The following POU2F2 variants were observed in gnomAD, a reference collection of about 807,000 sequenced individuals.
POU2F2 encodes the protein POU domain, class 2, transcription factor 2.
A neutral mutation model predicts 63.5 loss-of-function variants in POU2F2; 14 were observed. That is an observed-to-expected ratio of 0.22 (90% CI 0.15 to 0.34). The LOEUF (loss-of-function observed/expected upper bound fraction) is 0.34. POU2F2 is among the 10% of genes least tolerant of loss of function. The pLI is 1.00. For missense variants in POU2F2, 607 were observed against 815.2 expected, an observed-to-expected ratio of 0.74 and a Z score of 3.11; for synonymous variants, 306 against 348.6, an observed-to-expected ratio of 0.88 and a Z score of 1.36.
Position 42,095,207 on chromosome 19 carries a change from ACAACCAGGTAGGGTGGGCTTCACACAG to A in POU2F2, c.1197+52_1197+78del, listed in dbSNP as rs2076872415. On this transcript the variant is annotated intron_variant, in intron 11 of 14. Transcript: ENST00000692977. This position sits in a 1 kb window ranked among gnomAD's most constrained non-coding sequence, Gnocchi z 7.1. ...CTTGTCTCTGTTCTAGGCTCTGTGG[ACAACCAGGTAGGGTGGGCTTCACACAG>A]GTGCCTGCGGAGCTCTGTGGTCTCC... 6.8e-7 allele frequency: 1 copy of A among 1,476,852 alleles called. No individual in the cohort carries two copies. Among genetic ancestry groups the A allele is most frequent in the East Asian group, 2.4e-5 (1 of 41,516 alleles). 91.5% of individuals were successfully genotyped at this position (1,476,852 alleles called of 1,614,324 possible).
Position 42,092,183 on chromosome 19 carries a change from A to AG in POU2F2, c.1351dup (p.Leu451ProfsTer77), listed in dbSNP as rs746693584. 1.5e-6 allele frequency: 2 copies of AG among 1,325,422 alleles called. No homozygotes were observed. Among genetic ancestry groups the AG allele is most frequent in the Admixed American group, 2.3e-5 (1 of 44,356 alleles). 82.1% of individuals were successfully genotyped at this position (1,325,422 alleles called of 1,614,324 possible). A position where few individuals can be genotyped will look rare whatever the true frequency, so the allele number is the denominator to read the frequency against. ...GGGAGTGACAGAGGGGATGGAATTG[A>AG]GGGGGGGCGCAGCCCCGCCCCCGCC... On this transcript the variant is annotated frameshift_variant, in exon 13 of 15. Transcript: ENST00000692977. LOFTEE classifies it high-confidence loss of function. The surrounding 1 kb of genome is among the most constrained non-coding windows in gnomAD (Gnocchi z 5.0).
At chr19:42,196,084 C>T (rs986379324) in intron 1 of POU2F2, among the ~76,000 whole-genome samples, 13 of 152,138 alleles carry the variant, frequency 8.5e-5, no homozygotes, top group African/African-American at 2.7e-4. Context: ...CGTATCTGGG[C>T]GGTGGCGGTG....
At position 42,095,995 on chromosome 19, in the gene POU2F2, G is replaced by T; in HGVS notation, c.730-66C>A. The T allele has an allele frequency of 6.3e-7, 1 of 1,596,084 alleles. No homozygotes were observed. The highest frequency in any genetic ancestry group is 1.1e-5 in the South Asian group (1 of 89,030). ...GGCCTTCCGGCACTGGGCCCGCTCC[G>T]CCCGCCCACTGGCCACGCCCCTCGC... is the stretch of plus-strand genomic sequence containing the variant. On this transcript the variant is annotated intron_variant, in intron 8 of 14. Transcript: ENST00000692977. This position sits in a 1 kb window ranked among gnomAD's most constrained non-coding sequence, Gnocchi z 7.1.
chr19:42,104,575 T>C (rs2077264289), intron 5 of POU2F2, among the ~76,000 whole-genome samples: 1 of 152,064 alleles, frequency 6.6e-6, no homozygotes, highest in Non-Finnish European at 1.5e-5. Context: ...TGGAACAATC[T>C]GCAGGATGTC....
At chr19:42,118,551 G>C (rs995508687) in intron 4 of POU2F2, among the ~76,000 whole-genome samples, 7 of 152,252 alleles carry the variant, frequency 4.6e-5, no homozygotes, top group African/African-American at 1.7e-4. Context: ...CCAGGCTTCA[G>C]CCTCCGCTCC....
At chr19:42,135,008 A>G (rs1227216516), upstream of POU2F2, among the ~76,000 whole-genome samples, 1 of 151,812 alleles carries the variant, frequency 6.6e-6, no homozygotes, top group Non-Finnish European at 1.5e-5. Flanking sequence ...CCCCCCAGCC[A>G]TGGCCTCTTC....
At chr19:42,120,740 T>C (rs1463114964) in intron 4 of POU2F2, among the ~76,000 whole-genome samples, 1 of 152,246 alleles carries the variant, frequency 6.6e-6, no homozygotes, top group Non-Finnish European at 1.5e-5. Context: ...GAGTTGGTAA[T>C]TGTTGAAGCT....
chr19:42,096,306 G>A lies in POU2F2; in HGVS notation c.568-63C>T, dbSNP rs2076920226. 1 of 1,436,538 alleles carries A rather than the reference G, an allele frequency of 7.0e-7. No homozygotes were observed. Among genetic ancestry groups the A allele is most frequent in the Non-Finnish European group, 9.3e-7 (1 of 1,079,114 alleles). 89.0% of individuals were successfully genotyped at this position (1,436,538 alleles called of 1,614,324 possible). A position where few individuals can be genotyped will look rare whatever the true frequency, so the allele number is the denominator to read the frequency against. On this transcript the variant is annotated intron_variant, in intron 7 of 14. Coordinates refer to ENST00000692977, the MANE Select transcript of POU2F2 (RefSeq NM_001394376.1). This position sits in a 1 kb window ranked among gnomAD's most constrained non-coding sequence, Gnocchi z 4.1. ...GGACCAGGATGGGGCTCAGCGATGG[G>A]TGCACAGTCCCCCTCCCGCCCTCTT...
At chr19:42,100,876 G>A (rs558665967) in intron 5 of POU2F2, among the ~76,000 whole-genome samples, 28 of 152,230 alleles carry the variant, frequency 1.8e-4, no homozygotes, top group Middle Eastern at 6.8e-3. Flanking sequence ...GAGCCAGGCG[G>A]ATCACGAGGT....
chr19:42,146,032 CAA>C (rs1004458482), intron 2 of POU2F2, among the ~76,000 whole-genome samples: 1,336 of 49,656 alleles, frequency 0.027, 1 homozygote, highest in Middle Eastern at 0.074. Flanking sequence ...GACTCCGTCT[CAA>C]AAAAAAAAAA....
rs969929990 is a variant in POU2F2 at position 42,156,865 on chromosome 19, C to G, written c.-9+3467G>C. The stretch of plus-strand genomic sequence containing the variant: ...ATTCTGTTCCTTCCACGTCACCTCA[C>G]CAGACCCAGGATGAAAGCCGCTCAC... On this transcript the variant is annotated intron_variant, in intron 2 of 6. Transcript: ENST00000524801. The surrounding 1 kb of genome is among the most constrained non-coding windows in gnomAD (Gnocchi z 4.1). The G allele has an allele frequency of 8.5e-5, 13 of 152,302 alleles. No individual in the cohort carries two copies. Among genetic ancestry groups the G allele is most frequent in the Admixed American group, 5.2e-4 (8 of 15,280 alleles). 9.4% of individuals were successfully genotyped at this position (152,302 alleles called of 1,614,324 possible).
chr19:42,133,674 G>T (rs2033911868), upstream of POU2F2, among the ~76,000 whole-genome samples: 1 of 151,978 alleles, frequency 6.6e-6, no homozygotes, highest in East Asian at 1.9e-4. This position sits in a 1 kb window ranked among gnomAD's most constrained non-coding sequence, Gnocchi z 5.1. Context: ...ACATCTATGT[G>T]CACAGGCCCC....
intron 1 of POU2F2, among the ~76,000 whole-genome samples, chr19:42,194,841 GAGGA>G (rs1368154908): frequency 7.4e-5 from 10 of 134,372 alleles, no homozygotes; most frequent in East Asian, 6.6e-4. Context: ...GGGAGAAAGG[GAGGA>G]AGGGAGGGAG....
rs1002769174 is a variant in POU2F2 at position 42,086,125 on chromosome 19, C to T, written c.*5132G>A. On this transcript the variant is annotated 3_prime_UTR_variant, in exon 15 of 15. Coordinates refer to ENST00000692977, the MANE Select transcript of POU2F2 (RefSeq NM_001394376.1). Reference sequence around the variant, plus strand: ...AGAGTAGGCATCATTTCTCTCTGTACAGTTTTTAATTTTTTATTTTTTGAT... The same window carrying T: ...AGAGTAGGCATCATTTCTCTCTGTATAGTTTTTAATTTTTTATTTTTTGAT... 2 of 152,206 alleles carry T rather than the reference C, an allele frequency of 1.3e-5. No individual in the cohort carries two copies. Among genetic ancestry groups the T allele is most frequent in the Non-Finnish European group, 2.9e-5 (2 of 68,026 alleles). 9.4% of individuals were successfully genotyped at this position (152,206 alleles called of 1,614,324 possible). A position where few individuals can be genotyped will look rare whatever the true frequency, so the allele number is the denominator to read the frequency against.
At chr19:42,140,230 A>C (rs1400555184) in intron 2 of POU2F2, among the ~76,000 whole-genome samples, 1 of 151,996 alleles carries the variant, frequency 6.6e-6, no homozygotes, top group Non-Finnish European at 1.5e-5. Flanking sequence ...TGCTGCCCCC[A>C]GGCTTTCCAC....
Position 42,086,766 on chromosome 19 carries a change from G to C in POU2F2, c.*4491C>G, listed in dbSNP as rs1173283713. 3 of 152,124 alleles carry C rather than the reference G, an allele frequency of 2.0e-5. No individual in the cohort carries two copies. Among genetic ancestry groups the C allele is most frequent in the African/African-American group, 7.2e-5 (3 of 41,384 alleles). The allele number at this position is 152,124 out of a possible 1,614,324, so 9.4% of individuals were successfully genotyped here. On this transcript the variant is annotated 3_prime_UTR_variant, in exon 15 of 15. Transcript: ENST00000692977. ...AAATACTGAGCCCCTGGGTTTGGGG[G>C]ACATATTGGGGGAGGGGCAGCAAGG...
chr19:42,163,502 C>T (rs561978661), intron 1 of POU2F2, among the ~76,000 whole-genome samples: 3 of 152,188 alleles, frequency 2.0e-5, no homozygotes, highest in African/African-American at 7.2e-5. Context: ...GCCGGCATCA[C>T]GCCTGGCTCT....
At position 42,114,438 on chromosome 19, in the gene POU2F2, C is replaced by T. The variant is rs1470541748; in HGVS notation, c.369+2812G>A. On this transcript the variant is annotated intron_variant, in intron 5 of 14. Transcript: ENST00000692977. The stretch of plus-strand genomic sequence containing the variant: ...AGGTAAAGGAAGGGAGCAGACTTCC[C>T]GGGAAAAGAGAGAACAAGAGCAGGG... Among the ~76,000 whole-genome samples, 7 of 151,950 alleles carry T rather than the reference C, an allele frequency of 4.6e-5. 1 individual carries two copies. In the South Asian group the frequency reaches 6.2e-4, roughly 14 times the overall value.
intron 1 of POU2F2, among the ~76,000 whole-genome samples, chr19:42,184,860 G>T (rs1227282675): frequency 2.0e-5 from 3 of 151,996 alleles, no homozygotes; most frequent in Non-Finnish European, 2.9e-5. Context: ...CTCCAGTTTA[G>T]CCCTCTCTCC....
Sources: allele counts gnomAD v4.1 joint callset (sites outside exome capture counted in the v4.1 genomes callset), GRCh38; gene constraint gnomAD v4.1.1; non-coding constraint Gnocchi (gnomAD v3.1); transcripts MANE v1.5; gene names NCBI Gene and HGNC (gene_info 2026-07-23, HGNC 2026-07-21).